The following PPP2R2B variants were observed in gnomAD, a reference collection of about 807,000 sequenced individuals.
The protein encoded by PPP2R2B is serine/threonine-protein phosphatase 2A 55 kDa regulatory subunit B beta isoform.
PPP2R2B carries 5 observed loss-of-function variants against 46.0 expected under a neutral mutation model. That is an observed-to-expected ratio of 0.11 (90% confidence interval 0.06 to 0.23). The LOEUF (loss-of-function observed/expected upper bound fraction) is 0.23. Among genes scored for constraint, PPP2R2B ranks in the 10% least tolerant of loss-of-function variants. The pLI is 1.00. For synonymous variants in PPP2R2B, 215 were observed against 206.7 expected (o/e 1.04, Z -0.34); for missense variants, 367 against 575.0 (o/e 0.64, Z 3.70).
intron 2 of PPP2R2B, among the ~76,000 whole-genome samples, chr5:146,867,514 C>T (rs1342469055): frequency 6.6e-6 from 1 of 152,058 alleles, no homozygotes; most frequent in Admixed American, 6.6e-5. Flanking sequence ...ATTTATTTAT[C>T]ACATATAAAT....
intron 2 of PPP2R2B, among the ~76,000 whole-genome samples, chr5:147,078,962 C>G (rs1757884887): frequency 6.6e-6 from 1 of 152,028 alleles, no homozygotes; most frequent in Non-Finnish European, 1.5e-5. Context: ...GCTTCATTTT[C>G]TTAAGATCCA....
At chr5:146,892,559 GC>G (rs1319945671) in intron 1 of PPP2R2B, among the ~76,000 whole-genome samples, 1 of 151,986 alleles carries the variant, frequency 6.6e-6, no homozygotes, top group Non-Finnish European at 1.5e-5. Flanking sequence ...AGATCATCAG[GC>G]CTTCAGTCTT....
At chr5:146,627,943 T>A (rs1021912123) in intron 7 of PPP2R2B, among the ~76,000 whole-genome samples, 6 of 151,792 alleles carry the variant, frequency 4.0e-5, no homozygotes, top group Non-Finnish European at 8.8e-5. Context: ...CACAGAAACA[T>A]CTCAGATTTT....
chr5:146,718,949 T>G (rs978970796), intron 2 of PPP2R2B, among the ~76,000 whole-genome samples: 1 of 152,054 alleles, frequency 6.6e-6, no homozygotes, highest in African/African-American at 2.4e-5. Context: ...TGCCAGTGAG[T>G]CACATGAAAT....
chr5:146,673,982 C>T (rs322987), intron 5 of PPP2R2B, among the ~76,000 whole-genome samples: 4,182 of 152,234 alleles, frequency 0.027, 192 homozygotes, highest in African/African-American at 0.094. Context: ...ATGTCTTAGG[C>T]AAATAAACTC....
chr5:146,738,063 T>C (rs1752645108), intron 2 of PPP2R2B, among the ~76,000 whole-genome samples: 1 of 152,112 alleles, frequency 6.6e-6, no homozygotes, highest in Non-Finnish European at 1.5e-5. Flanking sequence ...GTTTGGAAGA[T>C]ATGCCATAGA....
intron 1 of PPP2R2B, among the ~76,000 whole-genome samples, chr5:147,011,994 G>C (rs987786469): frequency 1.4e-5 from 2 of 146,382 alleles, no homozygotes; most frequent in Admixed American, 6.9e-5. Flanking sequence ...ATTTTATTGA[G>C]GATTTTTGCA....
At chr5:146,780,040 T>C (rs1755415127) in intron 2 of PPP2R2B, among the ~76,000 whole-genome samples, 1 of 152,136 alleles carries the variant, frequency 6.6e-6, no homozygotes, top group Admixed American at 6.6e-5. Context: ...AACACAAAAT[T>C]GCAAAACAAT....
chr5:147,046,856 G>A (rs768122156), intron 1 of PPP2R2B, among the ~76,000 whole-genome samples: 9 of 152,050 alleles, frequency 5.9e-5, no homozygotes, highest in African/African-American at 2.2e-4. Flanking sequence ...TTGAGTCTGC[G>A]TCCTCCCTCT....
intron 2 of PPP2R2B, among the ~76,000 whole-genome samples, chr5:146,795,215 C>T (rs1334681222): frequency 1.3e-5 from 2 of 152,000 alleles, no homozygotes; most frequent in African/African-American, 4.8e-5. Flanking sequence ...AATAAAATCA[C>T]TATCTTGAAG....
At chr5:147,016,122 T>A (rs1270646374) in intron 1 of PPP2R2B, among the ~76,000 whole-genome samples, 5 of 151,506 alleles carry the variant, frequency 3.3e-5, no homozygotes, top group Non-Finnish European at 5.9e-5. Flanking sequence ...CATTGCTTGG[T>A]CCCAGGAGTT....
intron 4 of PPP2R2B, among the ~76,000 whole-genome samples, chr5:146,694,423 T>C (rs1156684609): frequency 2.0e-5 from 3 of 152,160 alleles, no homozygotes; most frequent in African/African-American, 7.2e-5. Flanking sequence ...TTTTTTTTGT[T>C]GCGTGGCTTT....
intron 1 of PPP2R2B, among the ~76,000 whole-genome samples, chr5:147,010,856 A>C (rs543669119): frequency 6.6e-6 from 1 of 152,156 alleles, no homozygotes; most frequent in African/African-American, 2.4e-5. Context: ...CCTACTCTAC[A>C]GCTGCCACCC....
chr5:146,690,155 A>G (rs1372349857), intron 5 of PPP2R2B, among the ~76,000 whole-genome samples: 1 of 152,174 alleles, frequency 6.6e-6, no homozygotes, highest in Non-Finnish European at 1.5e-5. Context: ...CTGGTGTCTG[A>G]AATCACATAT....
At chr5:146,993,724 A>G (rs12187728) in intron 1 of PPP2R2B, among the ~76,000 whole-genome samples, 72,354 of 152,008 alleles carry the variant, frequency 0.48, 18,616 homozygotes, top group Middle Eastern at 0.6. Flanking sequence ...AGCTCACAAC[A>G]GGGGCTCAAT....
At chr5:146,598,685 T>C (rs1420817289) in intron 8 of PPP2R2B, among the ~76,000 whole-genome samples, 1 of 152,196 alleles carries the variant, frequency 6.6e-6, no homozygotes, top group Non-Finnish European at 1.5e-5. Flanking sequence ...TCCTGTTATA[T>C]CCCGCATCAA....
Position 146,588,228 on chromosome 5 carries a change from G to T in PPP2R2B, c.*1719C>A, listed in dbSNP as rs888453845. The T allele has an allele frequency of 6.6e-6, 1 of 152,174 alleles. No homozygotes were observed. Among genetic ancestry groups the T allele is most frequent in the Non-Finnish European group, 1.5e-5 (1 of 68,028 alleles). The allele number at this position is 152,174 out of a possible 1,614,324, so 9.4% of individuals were successfully genotyped here. A position where few individuals can be genotyped will look rare whatever the true frequency, so the allele number is the denominator to read the frequency against. Reference sequence around the variant, plus strand: ...TCCCATGCTCCCTCAATTCTGAGACGTACTTTTTTACATTTTAATGTTCCT... The same window carrying T: ...TCCCATGCTCCCTCAATTCTGAGACTTACTTTTTTACATTTTAATGTTCCT... On this transcript the variant is annotated 3_prime_UTR_variant, in exon 10 of 10. Coordinates refer to ENST00000394411, the MANE Select transcript of PPP2R2B (RefSeq NM_181675.4).
At chr5:146,671,235 C>T (rs1777349095) in intron 5 of PPP2R2B, among the ~76,000 whole-genome samples, 1 of 152,158 alleles carries the variant, frequency 6.6e-6, no homozygotes, top group Non-Finnish European at 1.5e-5. Flanking sequence ...TTAGGTGATT[C>T]ATGTATGTTG....
chr5:147,025,070 A>T (rs1271379436), intron 1 of PPP2R2B, among the ~76,000 whole-genome samples: 1 of 152,086 alleles, frequency 6.6e-6, no homozygotes, highest in South Asian at 2.1e-4. Context: ...GAGAAAAAAA[A>T]TTGACGATAT....
Sources: allele counts gnomAD v4.1 joint callset (sites outside exome capture counted in the v4.1 genomes callset), GRCh38; gene constraint gnomAD v4.1.1; transcripts MANE v1.5; gene names NCBI Gene and HGNC (gene_info 2026-07-23, HGNC 2026-07-21).